Variants in RNF212B observed in about 807,000 individuals in gnomAD.
RNF212B encodes the protein ring finger protein 212B.
RNF212B carries 52 observed loss-of-function variants against 55.5 expected under a neutral mutation model. The ratio of observed to expected loss-of-function variants is 0.94; its 90% CI spans 0.75 to 1.18. The LOEUF (loss-of-function observed/expected upper bound fraction) is 1.18, where lower values mean the gene tolerates loss of function less well. Ranked by LOEUF, RNF212B falls within the 50% of genes most tolerant of loss-of-function variation. The pLI is 0.00. For missense variants in RNF212B, 289 were observed against 350.4 expected, an observed-to-expected ratio of 0.82 and a Z score of 1.40; for synonymous variants, 99 against 121.4, an observed-to-expected ratio of 0.82 and a Z score of 1.21.
chr14:23,257,168 AT>A (rs1053874345), intron 4 of RNF212B, among the ~76,000 whole-genome samples: 2 of 150,998 alleles, frequency 1.3e-5, no homozygotes, highest in Admixed American at 6.6e-5. Context: ...CACAAAAAAA[AT>A]AAAATAAAAT....
In RNF212B at chr14:23,258,588, G is replaced by A. The variant is rs750856664; in HGVS notation, c.268G>A (p.Ala90Thr). ...FQKKQTDLLI[A>T]FYKHRITKLE... Reference sequence around the variant, plus strand: ...GAAGAAACAAACAGATCTCCTCATCGCCTTTTATAAGCATAGAATTACAAA... The same window carrying A: ...GAAGAAACAAACAGATCTCCTCATCACCTTTTATAAGCATAGAATTACAAA... The change falls in exon 5 of 15, where the codon GCC becomes ACC. Residue 90 changes from alanine (A) to threonine (T), a missense_variant. Transcript: ENST00000430154. 13 of 1,545,292 alleles carry A rather than the reference G, an allele frequency of 8.4e-6. No individual in the cohort carries two copies. The East Asian group carries it at 2.5e-4, about 29-fold the overall frequency.
intron 2 of RNF212B, among the ~76,000 whole-genome samples, chr14:23,222,603 G>T (rs1442475408): frequency 6.6e-6 from 1 of 152,148 alleles, no homozygotes; most frequent in East Asian, 1.9e-4. Context: ...AAAAGTAGAG[G>T]AGGAGGGAAT....
chr14:23,272,341 A>T (rs1294409785), intron 14 of RNF212B: 1 of 171,706 alleles, frequency 5.8e-6, no homozygotes, highest in Non-Finnish European at 1.3e-5. Flanking sequence ...AATGGCGTGA[A>T]CCCGGGAGGC....
chr14:23,209,032 A>G (rs1880208354), intron 2 of RNF212B, among the ~76,000 whole-genome samples: 1 of 152,144 alleles, frequency 6.6e-6, no homozygotes, highest in Non-Finnish European at 1.5e-5. Context: ...TGCTGGGATT[A>G]CAGGCGTGAG....
Position 23,268,917 on chromosome 14 carries a change from T to C in RNF212B, c.635-7T>C, listed in dbSNP as rs1480297060. ...TTATCTCACAGGCTTATTTTTATGC[T>C]TTCCAGAAACCCCTTCACCGGCTTC... is the stretch of plus-strand genomic sequence containing the variant. On this transcript the variant is annotated splice_region_variant and splice_polypyrimidine_tract_variant and intron_variant, in intron 11 of 14. Coordinates refer to ENST00000430154, the MANE Select transcript of RNF212B (RefSeq NM_001282322.3). The C allele has an allele frequency of 1.3e-5, 20 of 1,549,834 alleles. No individual in the cohort carries two copies. The highest frequency in any genetic ancestry group is 1.7e-5 in the Non-Finnish European group (19 of 1,146,138).
rs560540762 is a variant in RNF212B at position 23,257,525 on chromosome 14, T to G, written c.229-1024T>G. Reference sequence around the variant, plus strand: ...AAATTAAGTGAGAACAAAAAGTTTATGAGAAGAGTACCAAGATCTAGGAAA... The same window carrying G: ...AAATTAAGTGAGAACAAAAAGTTTAGGAGAAGAGTACCAAGATCTAGGAAA... On this transcript the variant is annotated intron_variant, in intron 4 of 14. Coordinates refer to ENST00000430154, the MANE Select transcript of RNF212B (RefSeq NM_001282322.3). 1.6e-4 allele frequency among the ~76,000 whole-genome samples: 24 copies of G among 152,232 alleles called. No homozygotes were observed. In the South Asian group the frequency reaches 4.8e-3, roughly 30 times the overall value.
chr14:23,246,334 A>G (rs1446957648), intron 4 of RNF212B, among the ~76,000 whole-genome samples: 1 of 152,126 alleles, frequency 6.6e-6, no homozygotes, highest in Non-Finnish European at 1.5e-5. Flanking sequence ...TAAATAATTT[A>G]TGAAAGAATT....
chr14:23,267,128 C>G (rs1158893494), intron 11 of RNF212B, among the ~76,000 whole-genome samples: 1 of 152,084 alleles, frequency 6.6e-6, no homozygotes, highest in Non-Finnish European at 1.5e-5. Flanking sequence ...ACCACCACGC[C>G]TGGCTAGTTT....
At chr14:23,188,639 A>T (rs116442694) in intron 1 of RNF212B, among the ~76,000 whole-genome samples, 289 of 151,984 alleles carry the variant, frequency 1.9e-3, no homozygotes, top group African/African-American at 6.6e-3. Flanking sequence ...GCAAATTTTT[A>T]AAAAATTTTT....
chr14:23,271,525 GAGCATATTT>G (rs1432601300), intron 14 of RNF212B, among the ~76,000 whole-genome samples: 2 of 150,794 alleles, frequency 1.3e-5, no homozygotes, highest in Non-Finnish European at 2.9e-5. Flanking sequence ...CTTGGGTTTT[GAGCATATTT>G]AGGCTCCTTT....
intron 2 of RNF212B, among the ~76,000 whole-genome samples, chr14:23,231,801 G>A (rs1434397293): frequency 6.6e-6 from 1 of 152,216 alleles, no homozygotes. Context: ...CGCCACGCCT[G>A]ACTGGTTTTT....
chr14:23,236,564 C>CAACA (rs1176083154), upstream of RNF212B, among the ~76,000 whole-genome samples: 1 of 152,054 alleles, frequency 6.6e-6, no homozygotes, highest in Non-Finnish European at 1.5e-5. Context: ...CAAACAACAA[C>CAACA]AACAAACAAA....
intron 11 of RNF212B, among the ~76,000 whole-genome samples, chr14:23,267,264 A>G (rs1885773913): frequency 6.6e-6 from 1 of 152,026 alleles, no homozygotes; most frequent in African/African-American, 2.4e-5. Flanking sequence ...TATAGGCATG[A>G]GCAACCATGC....
intron 5 of RNF212B, among the ~76,000 whole-genome samples, chr14:23,259,157 C>A (rs1291965864): frequency 6.6e-6 from 1 of 151,952 alleles, no homozygotes; most frequent in East Asian, 1.9e-4. Context: ...CACCACGACA[C>A]TCCAGCGTGG....
At chr14:23,252,132 A>G (rs1884462092) in intron 4 of RNF212B, among the ~76,000 whole-genome samples, 1 of 152,054 alleles carries the variant, frequency 6.6e-6, no homozygotes, top group East Asian at 1.9e-4. Context: ...AACCCTCTAA[A>G]CAGTGTTTGG....
intron 2 of RNF212B, among the ~76,000 whole-genome samples, chr14:23,232,123 G>T (rs184215796): frequency 1.2e-3 from 175 of 151,690 alleles, no homozygotes; most frequent in African/African-American, 3.9e-3. Flanking sequence ...GATGTGAGGA[G>T]CCCCTCTGCC....
chr14:23,189,813 A>G (rs1043245731), intron 1 of RNF212B, among the ~76,000 whole-genome samples: 1 of 152,104 alleles, frequency 6.6e-6, no homozygotes, highest in Admixed American at 6.5e-5. Context: ...ATCTGAAAAT[A>G]TGTGAAAAAA....
upstream of RNF212B, among the ~76,000 whole-genome samples, chr14:23,237,915 A>C (rs1197653156): frequency 6.6e-6 from 1 of 151,784 alleles, no homozygotes; most frequent in Non-Finnish European, 1.5e-5. Flanking sequence ...CACCTCTCAC[A>C]CCGCCTCGGC....
Position 23,273,007 on chromosome 14 carries a change from C to T in RNF212B, c.*116C>T, listed in dbSNP as rs1886226560. 8 of 613,292 alleles carry T rather than the reference C, an allele frequency of 1.3e-5. No individual in the cohort carries two copies. Among genetic ancestry groups the T allele is most frequent in the South Asian group, 2.1e-5 (1 of 47,854 alleles). The allele number at this position is 613,292 out of a possible 1,614,324, so 38.0% of individuals were successfully genotyped here. On this transcript the variant is annotated 3_prime_UTR_variant, in exon 15 of 15. Transcript: ENST00000430154. ...CCCTGCATTGTTTCCTAGTTTCACT[C>T]TGTACCTTATGCTCCCCCCATCTTT...
Sources: allele counts gnomAD v4.1 joint callset (sites outside exome capture counted in the v4.1 genomes callset), GRCh38; gene constraint gnomAD v4.1.1; transcripts MANE v1.5; gene names NCBI Gene and HGNC (gene_info 2026-07-23, HGNC 2026-07-21).